The following COX7A2L variants were observed in gnomAD, a reference collection of about 807,000 sequenced individuals.
The protein encoded by COX7A2L is cytochrome c oxidase subunit 7A2 like.
Under a neutral mutation model 14.2 loss-of-function variants are expected in COX7A2L, and 18 were observed. That is an observed-to-expected ratio of 1.27 (90% confidence interval 0.88 to 1.88). The LOEUF is 1.88. Ranked by LOEUF, COX7A2L falls within the 40% of genes most tolerant of loss-of-function variation. COX7A2L has a pLI of 0.00. For missense variants in COX7A2L, 179 were observed against 138.8 expected, an observed-to-expected ratio of 1.29 and a Z score of -1.46; for synonymous variants, 65 against 57.4, an observed-to-expected ratio of 1.13 and a Z score of -0.60.
upstream of COX7A2L, among the ~76,000 whole-genome samples, chr2:42,364,045 T>A (rs1052404833): frequency 6.6e-6 from 1 of 152,146 alleles, no homozygotes; most frequent in African/African-American, 2.4e-5. Context: ...GTTAATTTTT[T>A]AAATTCTCTC....
chr2:42,348,823 CA>C (rs1316278470), downstream of COX7A2L, among the ~76,000 whole-genome samples: 7 of 151,698 alleles, frequency 4.6e-5, no homozygotes, highest in Non-Finnish European at 1.0e-4. Context: ...GAGGCTGACT[CA>C]AAAGAATTGC....
upstream of COX7A2L, chr2:42,361,225 C>T (rs1398013339): frequency 4.0e-6 from 6 of 1,483,494 alleles, no homozygotes; most frequent in South Asian, 1.2e-5. Context: ...AGGACCCCGC[C>T]TCCCCGGCTG....
At chr2:42,363,295 A>G (rs1671098827), upstream of COX7A2L, among the ~76,000 whole-genome samples, 1 of 152,234 alleles carries the variant, frequency 6.6e-6, no homozygotes, top group South Asian at 2.1e-4. Context: ...GCGCTAGCAA[A>G]TATTGAGTGA....
chr2:42,367,119 T>C (rs1671178968), intron 1 of COX7A2L, among the ~76,000 whole-genome samples: 4 of 152,246 alleles, frequency 2.6e-5, no homozygotes, highest in Admixed American at 2.6e-4. Flanking sequence ...GGTGGAGATT[T>C]GGCATTTCTT....
In COX7A2L at chr2:42,342,980, T is replaced by C. The variant is rs1214677397; in HGVS notation, c.193-9111A>G. On this transcript the variant is annotated intron_variant, in intron 2 of 2. Transcript: ENST00000468711. This position sits in a 1 kb window ranked among gnomAD's most constrained non-coding sequence, Gnocchi z 4.9. ...TGATTCCAGCTTATGCAAGTGACAG[T>C]GGCTGATGGCAGAGGAGACTGCAAG... Among the ~76,000 whole-genome samples, 1 of 152,044 alleles carries C rather than the reference T, an allele frequency of 6.6e-6. No homozygotes were observed. The highest frequency in any genetic ancestry group is 2.4e-5 in the African/African-American group (1 of 41,376).
chr2:42,340,116 G>A lies in COX7A2L; in HGVS notation c.193-6247C>T, dbSNP rs189383333. 2.0e-3 allele frequency among the ~76,000 whole-genome samples: 302 copies of A among 152,184 alleles called. 2 individuals carry two copies. Among genetic ancestry groups the A allele is most frequent in the African/African-American group, 6.5e-3 (270 of 41,514 alleles). On this transcript the variant is annotated intron_variant, in intron 2 of 2. Transcript: ENST00000468711. ...TGCTTATGGGATTCCTCACCTAGAA[G>A]ACCCATAGGCAACCCACATTCTCCA...
downstream of COX7A2L, among the ~76,000 whole-genome samples, chr2:42,349,108 T>C (rs2103883098): frequency 6.6e-6 from 1 of 152,300 alleles, no homozygotes; most frequent in Non-Finnish European, 1.5e-5. Flanking sequence ...ATTCCACTCC[T>C]AGGTAGATAC....
At chr2:42,357,113 G>C (rs1485191439) in intron 1 of COX7A2L, among the ~76,000 whole-genome samples, 1 of 152,144 alleles carries the variant, frequency 6.6e-6, no homozygotes, top group Non-Finnish European at 1.5e-5. Flanking sequence ...AAAGAGAAAA[G>C]TAAACATGAT....
chr2:42,340,552 C>T (rs79704833), intron 2 of COX7A2L, among the ~76,000 whole-genome samples: 5,422 of 152,108 alleles, frequency 0.036, 305 homozygotes, highest in African/African-American at 0.12. Context: ...GAATGTGCTC[C>T]GTAACGCCTG....
chr2:42,359,595 G>T (rs1032424006), intron 1 of COX7A2L: 5 of 152,102 alleles, frequency 3.3e-5, no homozygotes, highest in Admixed American at 6.6e-5. Context: ...GACCACACTG[G>T]TTTCCCTTCT....
At chr2:42,347,126 A>G (rs115520842), downstream of COX7A2L, among the ~76,000 whole-genome samples, 1,478 of 152,252 alleles carry the variant, frequency 9.7e-3, 21 homozygotes, top group African/African-American at 0.034. Flanking sequence ...CAGCCTCCCA[A>G]CATGCTGGGA....
At chr2:42,358,119 C>T (rs1670887880) in intron 1 of COX7A2L, among the ~76,000 whole-genome samples, 1 of 152,208 alleles carries the variant, frequency 6.6e-6, no homozygotes, top group Non-Finnish European at 1.5e-5. Flanking sequence ...ACAAATGTAA[C>T]ATGTTTCGTT....
At chr2:42,336,243 TCTCC>T (rs1219760760) in intron 2 of COX7A2L, among the ~76,000 whole-genome samples, 5 of 152,172 alleles carry the variant, frequency 3.3e-5, no homozygotes, top group Admixed American at 6.5e-5. Flanking sequence ...TTCCGTCCCT[TCTCC>T]CTGTTAGCAA....
At chr2:42,345,241 G>A (rs754976931), downstream of COX7A2L, among the ~76,000 whole-genome samples, 1 of 151,952 alleles carries the variant, frequency 6.6e-6, no homozygotes, top group Admixed American at 6.6e-5. Context: ...AAATTAGCCA[G>A]GTCTGGTGGC....
rs932492630 is a variant in COX7A2L at position 42,342,588 on chromosome 2, G to A, written c.193-8719C>T. 6.6e-6 allele frequency among the ~76,000 whole-genome samples: 1 copy of A among 152,138 alleles called. No homozygotes were observed. Among genetic ancestry groups the A allele is most frequent in the African/African-American group, 2.4e-5 (1 of 41,424 alleles). Reference sequence around the variant, plus strand: ...GGGGCAGCTTGGAATGTGATATTTGGAGTCAGCAAAGATTCCAATCTGGCT... The same window carrying A: ...GGGGCAGCTTGGAATGTGATATTTGAAGTCAGCAAAGATTCCAATCTGGCT... On this transcript the variant is annotated intron_variant, in intron 2 of 2. Transcript: ENST00000468711. This position sits in a 1 kb window ranked among gnomAD's most constrained non-coding sequence, Gnocchi z 4.9.
At chr2:42,337,082 G>A (rs1259942628) in intron 2 of COX7A2L, among the ~76,000 whole-genome samples, 1 of 152,170 alleles carries the variant, frequency 6.6e-6, no homozygotes, top group Non-Finnish European at 1.5e-5. Flanking sequence ...ATGTATAATG[G>A]ATGTACAAAG....
chr2:42,349,001 C>T (rs1369036366), downstream of COX7A2L, among the ~76,000 whole-genome samples: 1 of 152,084 alleles, frequency 6.6e-6, no homozygotes, highest in African/African-American at 2.4e-5. Flanking sequence ...CAAAAAGGAA[C>T]TGCATGTGCT....
At chr2:42,344,576 G>A (rs188696891), downstream of COX7A2L, among the ~76,000 whole-genome samples, 490 of 152,318 alleles carry the variant, frequency 3.2e-3, no homozygotes, top group Middle Eastern at 6.8e-3. Context: ...TCGCAGGCCC[G>A]GCGCGGTGGC....
upstream of COX7A2L, chr2:42,361,324 T>A: frequency 1.6e-6 from 1 of 626,014 alleles, no homozygotes; most frequent in Non-Finnish European, 2.7e-6. Flanking sequence ...TTAAGCCGCA[T>A]TGGGGAACCA....
Sources: gnomAD v4.1 joint callset for allele counts (sites outside exome capture counted in the v4.1 genomes callset) on GRCh38, gnomAD v4.1.1 for gene constraint, Gnocchi (gnomAD v3.1) non-coding constraint, MANE v1.5 for transcripts, NCBI Gene and HGNC (gene_info 2026-07-23, HGNC 2026-07-21) for gene names.